The following CHN2 variants were observed in gnomAD, a reference collection of about 807,000 sequenced individuals.
The protein encoded by CHN2 is chimerin 2, also known as beta-chimaerin.
A neutral mutation model predicts 56.3 loss-of-function variants in CHN2; 35 were observed. The ratio of observed to expected loss-of-function variants is 0.62; its 90% CI spans 0.47 to 0.82. The LOEUF (loss-of-function observed/expected upper bound fraction) is 0.82, where lower values mean the gene tolerates loss of function less well. Among genes scored for constraint, CHN2 ranks in the 40% least tolerant of loss-of-function variants. The pLI, the probability that CHN2 is intolerant of heterozygous loss-of-function variation, is 0.00. For synonymous variants in CHN2, 210 were observed against 212.8 expected (o/e 0.99, Z 0.12); for missense variants, 491 against 580.5 (o/e 0.85, Z 1.58).
At chr7:29,272,677 A>G (rs760189491) in intron 1 of CHN2, among the ~76,000 whole-genome samples, 194 of 152,338 alleles carry the variant, frequency 1.3e-3, no homozygotes, top group African/African-American at 4.4e-3. Flanking sequence ...TGAGGTGCCA[A>G]AATATTTTGT....
chr7:29,399,175 A>G (rs1050747862), intron 5 of CHN2, among the ~76,000 whole-genome samples: 1 of 152,112 alleles, frequency 6.6e-6, no homozygotes, highest in African/African-American at 2.4e-5. Context: ...TAAACTGGAG[A>G]ACCATCTGGA....
At chr7:29,171,188 G>T (rs1006990053) in intron 2 of CHN2, among the ~76,000 whole-genome samples, 1 of 152,200 alleles carries the variant, frequency 6.6e-6, no homozygotes. Context: ...GCTTACATAC[G>T]CACTGCTCTT....
intron 2 of CHN2, among the ~76,000 whole-genome samples, chr7:29,364,350 T>C (rs1184568356): frequency 1.3e-5 from 2 of 152,194 alleles, no homozygotes; most frequent in Non-Finnish European, 2.9e-5. Flanking sequence ...TAAAAATGCT[T>C]CTCTTTTATA....
At chr7:29,325,501 C>T (rs1795730236) in intron 1 of CHN2, among the ~76,000 whole-genome samples, 1 of 152,204 alleles carries the variant, frequency 6.6e-6, no homozygotes, top group Non-Finnish European at 1.5e-5. Flanking sequence ...CCAATTGTCT[C>T]AGGCCTTCTT....
intron 1 of CHN2, among the ~76,000 whole-genome samples, chr7:29,274,426 A>C (rs968051726): frequency 1.3e-5 from 2 of 152,232 alleles, no homozygotes; most frequent in South Asian, 2.1e-4. Flanking sequence ...GGCAGCTTAA[A>C]TCTGCTTCTT....
At chr7:29,382,887 G>A (rs898514594) in intron 3 of CHN2, among the ~76,000 whole-genome samples, 4 of 152,198 alleles carry the variant, frequency 2.6e-5, no homozygotes, top group Admixed American at 2.0e-4. Flanking sequence ...AGTATGAGCA[G>A]CCGAGGGTGT....
intron 1 of CHN2, among the ~76,000 whole-genome samples, chr7:29,224,664 C>T (rs1786055737): frequency 6.6e-6 from 1 of 152,110 alleles, no homozygotes; most frequent in Non-Finnish European, 1.5e-5. Flanking sequence ...ATTGAAATGG[C>T]CTATAACAGC....
intron 6 of CHN2, among the ~76,000 whole-genome samples, chr7:29,428,149 C>T (rs1805069952): frequency 6.6e-6 from 1 of 152,146 alleles, no homozygotes; most frequent in South Asian, 2.1e-4. Context: ...GCCTCAGTTT[C>T]CTCATCTCTA....
intron 1 of CHN2, among the ~76,000 whole-genome samples, chr7:29,249,603 T>G (rs1457904737): frequency 7.9e-5 from 12 of 152,228 alleles, no homozygotes; most frequent in Non-Finnish European, 1.6e-4. Flanking sequence ...ACCCGCTAGG[T>G]TGTCCTGCGG....
At chr7:29,165,848 A>AT (rs1418052628) in intron 2 of CHN2, among the ~76,000 whole-genome samples, 1 of 152,140 alleles carries the variant, frequency 6.6e-6, no homozygotes, top group Non-Finnish European at 1.5e-5. Context: ...ACATGGGTTG[A>AT]TTTTCAAATG....
intron 1 of CHN2, among the ~76,000 whole-genome samples, chr7:29,264,473 ATTC>A (rs1789943883): frequency 1.3e-5 from 2 of 152,346 alleles, no homozygotes; most frequent in South Asian, 4.1e-4. Context: ...ACTAGGAAAA[ATTC>A]TTCTGCCTTG....
intron 1 of CHN2, among the ~76,000 whole-genome samples, chr7:29,274,767 T>C (rs892671248): frequency 6.6e-6 from 1 of 152,242 alleles, no homozygotes; most frequent in Non-Finnish European, 1.5e-5. Flanking sequence ...ATTTTTAATG[T>C]GGCTAGAAAA....
chr7:29,266,946 CCCT>C (rs145617729), intron 1 of CHN2, among the ~76,000 whole-genome samples: 60,488 of 151,848 alleles, frequency 0.4, 12,877 homozygotes, highest in East Asian at 0.85. Context: ...TGGCCCTTCT[CCCT>C]CCTCAAGGTG....
intron 1 of CHN2, among the ~76,000 whole-genome samples, chr7:29,347,536 G>A (rs1797549343): frequency 6.6e-6 from 1 of 152,092 alleles, no homozygotes; most frequent in Non-Finnish European, 1.5e-5. Flanking sequence ...AAAGAAAGAA[G>A]TGCCACTTTT....
At chr7:29,215,793 G>A (rs1785291246) in intron 1 of CHN2, among the ~76,000 whole-genome samples, 1 of 151,856 alleles carries the variant, frequency 6.6e-6, no homozygotes, top group South Asian at 2.1e-4. Flanking sequence ...AATGTTCCAA[G>A]GACCATAACC....
chr7:29,215,764 C>G (rs755758898), intron 1 of CHN2, among the ~76,000 whole-genome samples: 5 of 151,804 alleles, frequency 3.3e-5, no homozygotes, highest in Non-Finnish European at 7.4e-5. Flanking sequence ...AAGGCAGATT[C>G]AATTTCTCAG....
rs60652952 is a variant in CHN2 at position 29,381,809 on chromosome 7, C to CAAAAAAAA, written c.145-11850_145-11843dup. Among the ~76,000 whole-genome samples the CAAAAAAAA allele has an allele frequency of 5.3e-4, 21 of 39,512 alleles. 3 individuals are homozygous for CAAAAAAAA. The highest frequency in any genetic ancestry group is 2.9e-3 in the South Asian group (2 of 700). The allele number at this position is 39,512 out of a possible 152,430, so 25.9% of individuals were successfully genotyped here. A position where few individuals can be genotyped will look rare whatever the true frequency, so the allele number is the denominator to read the frequency against. ...AAAAGTCTATTCTCACTAAACTAAG[C>CAAAAAAAA]AAAAAAAAAAAAAAAAAAAAAAAAA... On this transcript the variant is annotated intron_variant, in intron 3 of 12. Coordinates refer to ENST00000222792, the MANE Select transcript of CHN2 (RefSeq NM_004067.4).
intron 3 of CHN2, 110 bp downstream of exon 3, chr7:29,368,097 T>G (rs1322083776): frequency 4.9e-6 from 4 of 809,196 alleles, no homozygotes; most frequent in Non-Finnish European, 3.6e-6. Flanking sequence ...CTATTAACAT[T>G]TGTTGGAGTG....
At chr7:29,438,991 T>C (rs1340410484) in intron 6 of CHN2, among the ~76,000 whole-genome samples, 2 of 152,248 alleles carry the variant, frequency 1.3e-5, no homozygotes, top group Non-Finnish European at 2.9e-5. Flanking sequence ...TAACCAGAGA[T>C]GCCTGTTTAC....
Sources: gnomAD v4.1 joint callset for allele counts (sites outside exome capture counted in the v4.1 genomes callset) on GRCh38, gnomAD v4.1.1 for gene constraint, MANE v1.5 for transcripts, NCBI Gene and HGNC (gene_info 2026-07-23, HGNC 2026-07-21) for gene names.